DNAH8: variants seen among roughly 807,000 people sequenced by gnomAD.
DNAH8 encodes axonemal beta dynein heavy chain 8.
DNAH8 carries 382 observed loss-of-function variants against 562.1 expected under a neutral mutation model. The ratio of observed to expected loss-of-function variants is 0.68; its 90% CI spans 0.63 to 0.74. DNAH8 has a LOEUF of 0.74. Ranked by LOEUF, DNAH8 falls within the 30% of genes least tolerant of loss-of-function variation. DNAH8 has a pLI of 0.00. For missense variants in DNAH8, 5,203 were observed against 5,620.4 expected, an observed-to-expected ratio of 0.93 and a Z score of 2.37; for synonymous variants, 1,881 against 1,919.4, an observed-to-expected ratio of 0.98 and a Z score of 0.52.
intron 10 of DNAH8, among the ~76,000 whole-genome samples, chr6:38,759,604 C>T (rs895870492): frequency 6.6e-6 from 1 of 152,080 alleles, no homozygotes; most frequent in Non-Finnish European, 1.5e-5. Flanking sequence ...TTCTGGTAGG[C>T]CCACCTTTGC....
intron 41 of DNAH8, among the ~76,000 whole-genome samples, chr6:38,854,110 G>A (rs9394543): frequency 0.26 from 39,020 of 151,662 alleles, 5,709 homozygotes; most frequent in East Asian, 0.64. Flanking sequence ...TATGTAAAGG[G>A]AATGAGCATA....
At chr6:38,889,859 C>G (rs1779221303) in intron 57 of DNAH8, among the ~76,000 whole-genome samples, 1 of 151,556 alleles carries the variant, frequency 6.6e-6, no homozygotes. Context: ...CTCCACTCTT[C>G]ATCAACCTGT....
intron 24 of DNAH8, among the ~76,000 whole-genome samples, chr6:38,808,742 G>A (rs1003203366): frequency 2.8e-4 from 43 of 152,112 alleles, no homozygotes; most frequent in African/African-American, 8.2e-4. Context: ...CATATATACC[G>A]TGGAATACTA....
At chr6:38,957,085 A>T (rs1291496255) in intron 82 of DNAH8, among the ~76,000 whole-genome samples, 1 of 152,206 alleles carries the variant, frequency 6.6e-6, no homozygotes, top group Non-Finnish European at 1.5e-5. Context: ...AAAATGAAGG[A>T]TGGAAAAGAT....
At chr6:38,848,621 G>T (rs1452332232) in intron 36 of DNAH8, 27 bp from the exon 37 acceptor site, 2 of 1,570,622 alleles carry the variant, frequency 1.3e-6, no homozygotes, top group Non-Finnish European at 1.7e-6. Context: ...TCTTTGAAAT[G>T]TGATTTTTTC....
chr6:38,997,586 C>T (rs1282511999), intron 88 of DNAH8, among the ~76,000 whole-genome samples: 1 of 151,988 alleles, frequency 6.6e-6, no homozygotes, highest in Non-Finnish European at 1.5e-5. Flanking sequence ...TGGACTGGAG[C>T]CCAGGTGAAA....
At chr6:39,008,513 G>A (rs1313460719) in intron 88 of DNAH8, among the ~76,000 whole-genome samples, 1 of 152,106 alleles carries the variant, frequency 6.6e-6, no homozygotes, top group African/African-American at 2.4e-5. Context: ...AGGTGGTCAG[G>A]TTAGCTACAA....
chr6:38,987,302 T>A (rs1158990249), intron 87 of DNAH8, among the ~76,000 whole-genome samples: 1 of 152,174 alleles, frequency 6.6e-6, no homozygotes, highest in Non-Finnish European at 1.5e-5. Flanking sequence ...TCTCCTGCCT[T>A]TCTTCCTCTT....
At chr6:38,846,911 C>T (rs936907363) in intron 36 of DNAH8, among the ~76,000 whole-genome samples, 1 of 152,076 alleles carries the variant, frequency 6.6e-6, no homozygotes, top group Non-Finnish European at 1.5e-5. Context: ...ACTTCTAGGC[C>T]CTGCCAGAAA....
intron 88 of DNAH8, among the ~76,000 whole-genome samples, chr6:38,999,400 GTTTT>G (rs71809928): frequency 7.1e-6 from 1 of 141,156 alleles, no homozygotes; most frequent in Admixed American, 7.1e-5. Flanking sequence ...TATGGGGGCT[GTTTT>G]TTTTTTTTTG....
intron 60 of DNAH8, 141 bp from the exon 61 acceptor site, chr6:38,898,116 AC>A (rs2150502608): frequency 1.4e-6 from 1 of 729,702 alleles, no homozygotes; most frequent in South Asian, 2.2e-5. Context: ...GTAGACTAAT[AC>A]GTGAGAAACC....
chr6:38,773,264 C>A lies in DNAH8; in HGVS notation c.1765-2490C>A, dbSNP rs952255279. On this transcript the variant is annotated intron_variant, in intron 12 of 92. Transcript: ENST00000327475. ...GGAGGTGGGTCTCAGTTACCCCTAC[C>A]CCTATTTTCCTGGAGCCAGAACCCT... is the stretch of plus-strand genomic sequence containing the variant. Among the ~76,000 whole-genome samples the A allele has an allele frequency of 3.8e-4, 56 of 147,748 alleles. 2 individuals carry two copies. Among genetic ancestry groups the A allele is most frequent in the Non-Finnish European group, 1.4e-4 (9 of 65,928 alleles).
intron 31 of DNAH8, among the ~76,000 whole-genome samples, chr6:38,833,461 A>G (rs2150356632): frequency 1.3e-5 from 2 of 152,278 alleles, no homozygotes; most frequent in South Asian, 4.1e-4. Flanking sequence ...AGGTCTGAAG[A>G]ATCCCTGAAC....
intron 53 of DNAH8, among the ~76,000 whole-genome samples, chr6:38,880,715 T>C (rs2150459518): frequency 6.6e-6 from 1 of 152,298 alleles, no homozygotes; most frequent in South Asian, 2.1e-4. Context: ...TCATTGGTCG[T>C]CAGGGAAATG....
intron 8 of DNAH8, among the ~76,000 whole-genome samples, chr6:38,746,859 G>A (rs2127591708): frequency 6.6e-6 from 1 of 152,050 alleles, no homozygotes; most frequent in African/African-American, 2.4e-5. Context: ...AACCCGGGAG[G>A]TAGAGGTTGC....
intron 1 of DNAH8, among the ~76,000 whole-genome samples, chr6:38,717,517 GT>G (rs1554190715): frequency 6.6e-6 from 1 of 151,576 alleles, no homozygotes; most frequent in Non-Finnish European, 1.5e-5. Flanking sequence ...TCAAGACTGG[GT>G]TTCTCCATGT....
rs1765869136 is a variant in DNAH8 at position 38,755,971 on chromosome 6, G to T, written c.1408-1G>T. The T allele has an allele frequency of 6.4e-7, 1 of 1,570,680 alleles. No individual in the cohort carries two copies. Among genetic ancestry groups the T allele is most frequent in the African/African-American group, 1.4e-5 (1 of 73,902 alleles). On this transcript the variant is annotated splice_acceptor_variant, in intron 9 of 92. Coordinates refer to ENST00000327475, the MANE Select transcript of DNAH8 (RefSeq NM_001206927.2). LOFTEE classifies it high-confidence loss of function. ...ATTCACTTAATTTGTTTCAATGTTA[G>T]GTTTCCATGGCACATGGAATACAAA... is the stretch of plus-strand genomic sequence containing the variant.
intron 42 of DNAH8, among the ~76,000 whole-genome samples, chr6:38,858,374 A>T (rs539028772): frequency 4.6e-4 from 70 of 152,348 alleles, no homozygotes; most frequent in African/African-American, 1.6e-3. Context: ...CACATAATTC[A>T]TGCAGGTTGG....
intron 59 of DNAH8, 36 bp from the exon 60 acceptor site, chr6:38,895,997 A>G: frequency 6.4e-7 from 1 of 1,565,654 alleles, no homozygotes; most frequent in Non-Finnish European, 8.7e-7. Context: ...AGATGCTTTC[A>G]TATTTAACAT....
Sources: gnomAD v4.1 joint callset for allele counts (sites outside exome capture counted in the v4.1 genomes callset) on GRCh38, gnomAD v4.1.1 for gene constraint, MANE v1.5 for transcripts, NCBI Gene and HGNC (gene_info 2026-07-23, HGNC 2026-07-21) for gene names.